GCLC: variants seen among roughly 807,000 people sequenced by gnomAD.
GCLC encodes the protein glutamate-cysteine ligase catalytic subunit.
GCLC carries 30 observed loss-of-function variants against 81.5 expected under a neutral mutation model. The observed-to-expected ratio is 0.37, with a 90% CI of 0.28 to 0.50. The LOEUF (loss-of-function observed/expected upper bound fraction) is 0.50. Among genes scored for constraint, GCLC ranks in the 20% least tolerant of loss-of-function variants. The pLI, the probability that GCLC is intolerant of heterozygous loss-of-function variation, is 0.96. For synonymous variants in GCLC, 262 were observed against 273.3 expected (o/e 0.96, Z 0.41); for missense variants, 556 against 777.4 (o/e 0.72, Z 3.39).
chr6:53,532,348 A>T (rs936957706), intron 1 of GCLC, among the ~76,000 whole-genome samples: 3 of 152,230 alleles, frequency 2.0e-5, no homozygotes, highest in Admixed American at 6.5e-5. Context: ...GAGATACTAA[A>T]TGACCGAGTC....
In GCLC at chr6:53,506,734, TCCAAG is replaced by T; in HGVS notation, c.1197+174_1197+178del. 1.7e-6 allele frequency: 1 copy of T among 596,334 alleles called. No homozygotes were observed. The highest frequency in any genetic ancestry group is 3.0e-6 in the Non-Finnish European group (1 of 332,000). The allele number at this position is 596,334 out of a possible 1,614,324, so 36.9% of individuals were successfully genotyped here. On this transcript the variant is annotated intron_variant, in intron 10 of 15. Transcript: ENST00000650454. The surrounding 1 kb of genome is among the most constrained non-coding windows in gnomAD (Gnocchi z 4.0). ...GTACTTGAAACCGATTTTTTATTTG[TCCAAG>T]TTCTTTACTGCACTGGGTAAATGAA...
chr6:53,509,368 T>C (rs1764689475), intron 6 of GCLC, 118 bp from the exon 7 acceptor site: 1 of 723,080 alleles, frequency 1.4e-6, no homozygotes, highest in South Asian at 1.5e-5. Context: ...GCTTCATTAA[T>C]GGCAACATTT....
At chr6:53,530,361 T>C (rs754387734) in intron 1 of GCLC, among the ~76,000 whole-genome samples, 15 of 152,230 alleles carry the variant, frequency 9.9e-5, no homozygotes, top group Non-Finnish European at 2.2e-4. Flanking sequence ...ACAGAGTAAC[T>C]GTAACCTGTG....
intron 12 of GCLC, among the ~76,000 whole-genome samples, chr6:53,504,855 A>G (rs1245892292): frequency 6.6e-6 from 1 of 152,176 alleles, no homozygotes; most frequent in Non-Finnish European, 1.5e-5. Flanking sequence ...ACTCTCTGCC[A>G]AGAGGAACCC....
At chr6:53,500,379 T>C in intron 13 of GCLC, 29 bp from the exon 14 acceptor site, 1 of 1,607,708 alleles carries the variant, frequency 6.2e-7, no homozygotes, top group South Asian at 1.1e-5. Flanking sequence ...AGGGGAGCTT[T>C]AGCAGCTTGT....
At chr6:53,505,086 T>C (rs753077314) in intron 12 of GCLC, among the ~76,000 whole-genome samples, 1 of 152,182 alleles carries the variant, frequency 6.6e-6, no homozygotes, top group Non-Finnish European at 1.5e-5. Flanking sequence ...AGGAGACTTT[T>C]ACCGGCATTC....
At chr6:53,544,240 CA>C (rs2127632939) in intron 1 of GCLC, among the ~76,000 whole-genome samples, 1 of 152,288 alleles carries the variant, frequency 6.6e-6, no homozygotes, top group South Asian at 2.1e-4. Context: ...TCCCAGCGCC[CA>C]ATCCGTGTTT....
chr6:53,514,182 C>T (rs989499982), intron 6 of GCLC, 22 bp downstream of exon 6: 4 of 1,611,846 alleles, frequency 2.5e-6, no homozygotes, highest in East Asian at 2.2e-5. Context: ...CACTTTGCCT[C>T]TCTGTATATT....
chr6:53,523,080 TTAA>T (rs1561946557), intron 1 of GCLC, among the ~76,000 whole-genome samples: 1 of 152,154 alleles, frequency 6.6e-6, no homozygotes, highest in African/African-American at 2.4e-5. Flanking sequence ...TTTCAACAAT[TTAA>T]TTTTGGTTTA....
At chr6:53,536,842 G>C in intron 1 of GCLC, among the ~76,000 whole-genome samples, 1 of 152,162 alleles carries the variant, frequency 6.6e-6, no homozygotes, top group East Asian at 1.9e-4. Flanking sequence ...ACCATGATAT[G>C]GTAGGTCACA....
chr6:53,544,162 T>C (rs897221977), intron 1 of GCLC, among the ~76,000 whole-genome samples: 5 of 152,248 alleles, frequency 3.3e-5, no homozygotes, highest in South Asian at 2.1e-4. Context: ...TCATGGTAGT[T>C]GCCGGTCTGC....
chr6:53,519,400 GA>G (rs1256015088), intron 3 of GCLC, among the ~76,000 whole-genome samples: 1 of 151,534 alleles, frequency 6.6e-6, no homozygotes, highest in African/African-American at 2.4e-5. Context: ...ACTCCTCCTG[GA>G]ACCTTGGACA....
chr6:53,515,961 T>A, intron 4 of GCLC, 148 bp downstream of exon 4: 1 of 660,302 alleles, frequency 1.5e-6, no homozygotes, highest in Non-Finnish European at 2.8e-6. Flanking sequence ...TGTGAACAGG[T>A]GCACATCTGC....
At chr6:53,540,930 G>A (rs1763343208) in intron 1 of GCLC, among the ~76,000 whole-genome samples, 1 of 152,190 alleles carries the variant, frequency 6.6e-6, no homozygotes, top group Non-Finnish European at 1.5e-5. Context: ...GATGTAGAGA[G>A]GTGGCCAGGC....
At chr6:53,517,079 ATT>A (rs71546114) in intron 3 of GCLC, among the ~76,000 whole-genome samples, 3 of 104,410 alleles carry the variant, frequency 2.9e-5, no homozygotes, top group Admixed American at 1.3e-4. Flanking sequence ...TTAAAAAAAA[ATT>A]TTTTTTTTTT....
At chr6:53,533,341 T>G (rs933572921) in intron 1 of GCLC, among the ~76,000 whole-genome samples, 3 of 152,220 alleles carry the variant, frequency 2.0e-5, no homozygotes, top group Non-Finnish European at 4.4e-5. Context: ...TCCCAAATCC[T>G]TAATATGTTC....
chr6:53,531,706 C>T (rs1156751455), intron 1 of GCLC, among the ~76,000 whole-genome samples: 3 of 152,226 alleles, frequency 2.0e-5, no homozygotes, highest in Admixed American at 1.3e-4. Context: ...AAGTCAAGTG[C>T]CACTCCTTCA....
intron 15 of GCLC, 87 bp downstream of exon 15, chr6:53,499,958 T>C: frequency 1.0e-6 from 1 of 980,666 alleles, no homozygotes; most frequent in Non-Finnish European, 1.6e-6. Flanking sequence ...TACAGCATTA[T>C]TTTAAAAGAC....
chr6:53,502,180 G>A (rs1050776566), intron 12 of GCLC, among the ~76,000 whole-genome samples: 1 of 152,128 alleles, frequency 6.6e-6, no homozygotes, highest in South Asian at 2.1e-4. Flanking sequence ...AAAAAGATGT[G>A]GTATGAGATA....
Sources: gnomAD v4.1 joint callset for allele counts (sites outside exome capture counted in the v4.1 genomes callset) on GRCh38, gnomAD v4.1.1 for gene constraint, Gnocchi (gnomAD v3.1) non-coding constraint, MANE v1.5 for transcripts, NCBI Gene and HGNC (gene_info 2026-07-23, HGNC 2026-07-21) for gene names.